The following OXSR1 variants were observed in gnomAD, a reference collection of about 807,000 sequenced individuals.
OXSR1 encodes the protein serine/threonine-protein kinase OSR1.
A neutral mutation model predicts 79.8 loss-of-function variants in OXSR1; 24 were observed. The observed-to-expected ratio is 0.30, with a 90% CI of 0.22 to 0.42. OXSR1 has a LOEUF of 0.42. OXSR1 is among the 10% of genes least tolerant of loss of function. OXSR1 has a pLI of 1.00. For missense variants in OXSR1, 430 were observed against 618.4 expected (o/e 0.70, Z 3.23); for synonymous variants, 226 against 209.2 (o/e 1.08, Z -0.69).
rs2125858445 is a variant in OXSR1, at chr3:38,254,352, C to CT, written c.*1464dup. On this transcript the variant is annotated 3_prime_UTR_variant, in exon 18 of 18. Coordinates refer to ENST00000311806, the MANE Select transcript of OXSR1 (RefSeq NM_005109.3). The stretch of plus-strand genomic sequence containing the variant: ...TCACACCTTTTGTTTCATTCTGAGT[C>CT]TTTAGTTTTAGTCATGGGCTTTCTT... 2.5e-6 allele frequency: 1 copy of CT among 396,596 alleles called. No homozygotes were observed. Among genetic ancestry groups the CT allele is most frequent in the Admixed American group, 4.4e-5 (1 of 22,690 alleles). 24.6% of individuals were successfully genotyped at this position (396,596 alleles called of 1,614,324 possible). A position where few individuals can be genotyped will look rare whatever the true frequency, so the allele number is the denominator to read the frequency against.
chr3:38,200,312 G>A (rs1702142003), intron 4 of OXSR1, among the ~76,000 whole-genome samples: 1 of 152,132 alleles, frequency 6.6e-6, no homozygotes, highest in Admixed American at 6.6e-5. Context: ...CTGGGTTTCA[G>A]GGCTGTGTAA....
intron 10 of OXSR1, among the ~76,000 whole-genome samples, chr3:38,235,314 A>G (rs912516742): frequency 6.6e-6 from 1 of 152,162 alleles, no homozygotes; most frequent in Non-Finnish European, 1.5e-5. Flanking sequence ...AAACAGAAGA[A>G]ATGAAAAATT....
chr3:38,178,623 T>A (rs866157389), intron 1 of OXSR1, among the ~76,000 whole-genome samples: 14,987 of 97,544 alleles, frequency 0.15, 451 homozygotes, highest in Non-Finnish European at 0.17. Flanking sequence ...TATATATATT[T>A]TTTTTTTTTT....
intron 3 of OXSR1, among the ~76,000 whole-genome samples, chr3:38,197,194 C>CCAGTGTAA (rs1192705255): frequency 4.6e-5 from 7 of 152,210 alleles, no homozygotes; most frequent in African/African-American, 1.7e-4. Flanking sequence ...GGGGAAAGAA[C>CCAGTGTAA]CAGTGTAATA....
intron 3 of OXSR1, among the ~76,000 whole-genome samples, chr3:38,197,390 A>G (rs556568300): frequency 2.7e-4 from 41 of 152,278 alleles, no homozygotes; most frequent in Non-Finnish European, 4.9e-4. Context: ...TCTGTTTTCA[A>G]CCCTTTCCTT....
chr3:38,175,475 T>A (rs569315428), intron 1 of OXSR1, among the ~76,000 whole-genome samples: 1 of 152,054 alleles, frequency 6.6e-6, no homozygotes, highest in African/African-American at 2.4e-5. Context: ...AATTTTTGTA[T>A]TTTTTTGTAG....
intron 3 of OXSR1, among the ~76,000 whole-genome samples, chr3:38,195,067 A>G (rs977677238): frequency 6.6e-6 from 1 of 152,236 alleles, no homozygotes; most frequent in African/African-American, 2.4e-5. Flanking sequence ...TAAAACTGTC[A>G]TGTTGAATGT....
chr3:38,172,810 GAA>G (rs1559498687), intron 1 of OXSR1, among the ~76,000 whole-genome samples: 1 of 152,198 alleles, frequency 6.6e-6, no homozygotes, highest in African/African-American at 2.4e-5. Flanking sequence ...TGCATGTGGG[GAA>G]AATGGAAATA....
chr3:38,185,557 G>C (rs900621863), intron 2 of OXSR1, among the ~76,000 whole-genome samples: 6 of 152,200 alleles, frequency 3.9e-5, no homozygotes, highest in Non-Finnish European at 5.9e-5. Context: ...CTGCACTCCA[G>C]CTTGGGTGAC....
intron 1 of OXSR1, among the ~76,000 whole-genome samples, chr3:38,176,040 A>T (rs560423519): frequency 2.5e-4 from 38 of 151,220 alleles, no homozygotes; most frequent in East Asian, 1.4e-3. Context: ...TCTTTAAAAA[A>T]TTTTTTTTTT....
At chr3:38,174,790 T>A (rs1469559115) in intron 1 of OXSR1, among the ~76,000 whole-genome samples, 2 of 152,170 alleles carry the variant, frequency 1.3e-5, no homozygotes, top group African/African-American at 4.8e-5. Flanking sequence ...ATTCCAAGAT[T>A]TTTGGCTAGA....
upstream of OXSR1, chr3:38,165,534 T>C (rs905722413): frequency 3.6e-6 from 1 of 278,112 alleles, no homozygotes; most frequent in Non-Finnish European, 6.9e-6. Context: ...GAGGGGAAAG[T>C]TTGGCCCGTG....
At chr3:38,216,210 C>A in intron 5 of OXSR1, 59 bp downstream of exon 5, 1 of 1,049,014 alleles carries the variant, frequency 9.5e-7, no homozygotes, top group Non-Finnish European at 1.4e-6. Flanking sequence ...CATTACTTAT[C>A]TTTTATGTTT....
chr3:38,198,846 A>C lies in OXSR1; in HGVS notation c.417A>C (p.Lys139Asn). ...TGGAAGGGCTGGAATATCTGCATAAAAATGGACAGATCCACAGGTATGTAA... is the reference window on the plus strand; with the variant it reads ...TGGAAGGGCTGGAATATCTGCATAACAATGGACAGATCCACAGGTATGTAA... ...EVLEGLEYLH[K>N]NGQIHRDVKA... The change falls in exon 4 of 18, where the codon AAA (lysine) becomes AAC (asparagine). Residue 139 changes from lysine (K) to asparagine (N), a missense_variant. Lys to Asn is a moderately conservative substitution (Grantham distance 94, BLOSUM62 0). Transcript: ENST00000311806. 6.2e-7 allele frequency: 1 copy of C among 1,613,628 alleles called. No homozygotes were observed. Among genetic ancestry groups the C allele is most frequent in the Non-Finnish European group, 8.5e-7 (1 of 1,179,670 alleles).
rs1701444780 is a variant in OXSR1, at chr3:38,166,005, A to G, written c.70+59A>G. 2.7e-6 allele frequency: 4 copies of G among 1,482,386 alleles called. No homozygotes were observed. The East Asian group carries it at 9.2e-5, about 34-fold the overall frequency. 91.8% of individuals were successfully genotyped at this position (1,482,386 alleles called of 1,614,324 possible). A position where few individuals can be genotyped will look rare whatever the true frequency, so the allele number is the denominator to read the frequency against. ...GCGCTGGGAGGCGGGGGACACGGGA[A>G]CGTGGGGAGCCGCGGGAGCTCGGGG... On this transcript the variant is annotated intron_variant, in intron 1 of 17. Transcript: ENST00000311806.
At chr3:38,240,738 A>G (rs1385312521) in intron 11 of OXSR1, among the ~76,000 whole-genome samples, 1 of 152,000 alleles carries the variant, frequency 6.6e-6, no homozygotes, top group Admixed American at 6.6e-5. Context: ...CACAAGCGCC[A>G]GCTCGAAGTT....
intron 5 of OXSR1, among the ~76,000 whole-genome samples, chr3:38,218,574 C>T (rs1702529892): frequency 6.6e-6 from 1 of 151,456 alleles, no homozygotes; most frequent in Non-Finnish European, 1.5e-5. Flanking sequence ...TTTTGGATGC[C>T]AATCCCTTAT....
intron 11 of OXSR1, among the ~76,000 whole-genome samples, chr3:38,240,348 C>T (rs182735309): frequency 4.6e-5 from 7 of 152,154 alleles, no homozygotes; most frequent in East Asian, 1.9e-4. Context: ...AGAAGATATA[C>T]GCAGGTACGG....
At chr3:38,249,415 G>C (rs1459875129) in intron 14 of OXSR1, among the ~76,000 whole-genome samples, 1 of 151,944 alleles carries the variant, frequency 6.6e-6, no homozygotes, top group Non-Finnish European at 1.5e-5. Flanking sequence ...CCTAAATCCT[G>C]CATATCTGTT....
Sources: gnomAD v4.1 joint callset for allele counts (sites outside exome capture counted in the v4.1 genomes callset) on GRCh38, gnomAD v4.1.1 for gene constraint, MANE v1.5 for transcripts, NCBI Gene and HGNC (gene_info 2026-07-23, HGNC 2026-07-21) for gene names.